Variants in PCDHGA7 observed in about 807,000 individuals in gnomAD.
The protein encoded by PCDHGA7 is protocadherin gamma subfamily A, 7, also known as protocadherin gamma-A7.
In PCDHGA7, 44 loss-of-function variants were observed where a neutral mutation model predicts 58.3. That is an observed-to-expected ratio of 0.75 (90% CI 0.59 to 0.97). The LOEUF is 0.97. Ranked by LOEUF, PCDHGA7 falls within the 50% of genes least tolerant of loss-of-function variation. The pLI is 0.00. For missense variants in PCDHGA7, 1,266 were observed against 1,188.7 expected (o/e 1.06, Z -0.96); for synonymous variants, 516 against 504.2 (o/e 1.02, Z -0.31).
At chr5:141,505,044 C>G (rs1446394128) in intron 2 of PCDHGA7, among the ~76,000 whole-genome samples, 3 of 152,156 alleles carry the variant, frequency 2.0e-5, no homozygotes, top group African/African-American at 7.2e-5. Context: ...TGCCTGTCAT[C>G]CCAGCTACTT....
chr5:141,422,762 C>A (rs745320796), intron 1 of PCDHGA7: 1 of 1,613,392 alleles, frequency 6.2e-7, no homozygotes, highest in Admixed American at 1.7e-5. Context: ...AACTCCAACA[C>A]TGGTGTTCTC....
At position 141,505,499 on chromosome 5, in the gene PCDHGA7, G is replaced by A. The variant is rs753203943; in HGVS notation, c.2572+18G>A. ...CGCCAGTGGTAAGTGGTGTCAGTGT[G>A]TGTATGGAAGAGTGGGAGACCTGGG... is the stretch of plus-strand genomic sequence containing the variant. On this transcript the variant is annotated intron_variant, in intron 3 of 3. Transcript: ENST00000518325. 6.2e-7 allele frequency: 1 copy of A among 1,614,172 alleles called. No homozygotes were observed. The highest frequency in any genetic ancestry group is 8.5e-7 in the Non-Finnish European group (1 of 1,179,982).
rs1362496624 is a variant in PCDHGA7, at chr5:141,432,370, C to T, written c.2424+47047C>T. On this transcript the variant is annotated intron_variant, in intron 1 of 3. Coordinates refer to ENST00000518325, the MANE Select transcript of PCDHGA7 (RefSeq NM_018920.4). This position sits in a 1 kb window ranked among gnomAD's most constrained non-coding sequence, Gnocchi z 6.0. ...AAGTGAAAGTGATGGCGCGGGACAA[C>T]GGGCACCCGCCCCTCAGCAGCAACG... The T allele has an allele frequency of 6.2e-7, 1 of 1,614,240 alleles. No individual in the cohort carries two copies. Among genetic ancestry groups the T allele is most frequent in the Non-Finnish European group, 8.5e-7 (1 of 1,180,048 alleles).
rs1780361260 is a variant in PCDHGA7, at chr5:141,384,682, G to C, written c.1783G>C (p.Asp595His). The C allele has an allele frequency of 6.2e-7, 1 of 1,614,222 alleles. No individual in the cohort carries two copies. The highest frequency in any genetic ancestry group is 8.5e-7 in the Non-Finnish European group (1 of 1,180,048). Residue 595 changes from aspartate (D) to histidine (H), a missense_variant, in exon 1 of 4, where the codon GAC becomes CAC. Physicochemically the swap from Asp to His is moderately conservative, Grantham distance 81 (BLOSUM62 -1). Coordinates refer to ENST00000518325, the MANE Select transcript of PCDHGA7 (RefSeq NM_018920.4). ...CCTGGTGACCAAGGTGGTGGCGGTGGACAAAGATTCAGGCCAGAACGCCTG... is the reference window on the plus strand; with the variant it reads ...CCTGGTGACCAAGGTGGTGGCGGTGCACAAAGATTCAGGCCAGAACGCCTG... The part of the protein sequence containing the change: ...GYLVTKVVAV[D>H]KDSGQNAWLS...
intron 1 of PCDHGA7, chr5:141,430,944 G>T: frequency 1.2e-6 from 2 of 1,609,214 alleles, no homozygotes; most frequent in Non-Finnish European, 1.7e-6. Flanking sequence ...CTCGCGGAGC[G>T]CGGAGTCCGC....
At chr5:141,460,465 AAAGG>A (rs2098989932) in intron 1 of PCDHGA7, among the ~76,000 whole-genome samples, 1 of 152,088 alleles carries the variant, frequency 6.6e-6, no homozygotes, top group Non-Finnish European at 1.5e-5. Context: ...ATTTTTTTCC[AAAGG>A]AATATCCAAT....
At chr5:141,404,560 C>T (rs2094540099) in intron 1 of PCDHGA7, 37 of 1,613,460 alleles carry the variant, frequency 2.3e-5, no homozygotes, top group Non-Finnish European at 3.1e-5. Flanking sequence ...CGGCAAGTGA[C>T]AGTGGAAGCC....
chr5:141,382,897 A>G lies in PCDHGA7; in HGVS notation c.-3A>G. The G allele has an allele frequency of 6.5e-7, 1 of 1,540,826 alleles. No individual in the cohort carries two copies. The highest frequency in any genetic ancestry group is 2.3e-5 in the East Asian group (1 of 44,140). On this transcript the variant is annotated 5_prime_UTR_variant, in exon 1 of 4. Coordinates refer to ENST00000518325, the MANE Select transcript of PCDHGA7 (RefSeq NM_018920.4). ...GCGCCTAAGCAAGAGAAGCAGGACGACTATGGCGGCTCAGCCGAGGGGCGG... is the reference window on the plus strand; with the variant it reads ...GCGCCTAAGCAAGAGAAGCAGGACGGCTATGGCGGCTCAGCCGAGGGGCGG...
chr5:141,454,796 A>ATTTTTCT (rs2098799790), intron 1 of PCDHGA7, among the ~76,000 whole-genome samples: 1 of 77,408 alleles, frequency 1.3e-5, no homozygotes, highest in African/African-American at 5.9e-5. Context: ...CATGGTTCTA[A>ATTTTTCT]TTTTTTTTTT....
Position 141,383,695 on chromosome 5 carries a change from G to A in PCDHGA7, c.796G>A (p.Ala266Thr), listed in dbSNP as rs373055594. 5 of 1,613,974 alleles carry A rather than the reference G, an allele frequency of 3.1e-6. No individual in the cohort carries two copies. Among genetic ancestry groups the A allele is most frequent in the Non-Finnish European group, 3.4e-6 (4 of 1,179,856 alleles). Residue 266 changes from alanine (A) to threonine (T), a missense_variant, in exon 1 of 4, where the codon GCT (alanine) becomes ACT (threonine). Transcript: ENST00000518325. ...GGGTACAAGACTGCTCACGGTACAT[G>A]CTATCGACCTGGACGAGGGAGTCAA... ...PVGTRLLTVH[A>T]IDLDEGVNGE...
intron 1 of PCDHGA7, chr5:141,421,949 C>T (rs749189262): frequency 6.2e-6 from 10 of 1,612,856 alleles, no homozygotes; most frequent in Non-Finnish European, 6.8e-6. Flanking sequence ...GATCACATCC[C>T]AATGTTTACA....
chr5:141,387,687 G>A, intron 1 of PCDHGA7: 1 of 808,412 alleles, frequency 1.2e-6, no homozygotes, highest in Non-Finnish European at 1.9e-6. Context: ...CGCAGCCGCA[G>A]CGCGCTTTCC....
At chr5:141,421,964 C>A (rs772274014) in intron 1 of PCDHGA7, 3 of 1,611,350 alleles carry the variant, frequency 1.9e-6, no homozygotes, top group Non-Finnish European at 2.5e-6. Flanking sequence ...TTTACACAGT[C>A]CGTATATCGC....
chr5:141,478,590 A>T, intron 1 of PCDHGA7: 1 of 1,573,342 alleles, frequency 6.4e-7, no homozygotes, highest in South Asian at 1.1e-5. Flanking sequence ...GTGCTTTTTT[A>T]TTCCTACATC....
Position 141,384,065 on chromosome 5 carries a change from A to G in PCDHGA7, c.1166A>G (p.Asn389Ser), listed in dbSNP as rs1209284047. ...NGEVTCTIPE[N>S]LPFKLEKSID... ...GAGGTGACCTGCACCATTCCAGAAAACCTACCTTTTAAATTAGAAAAATCA... is the reference window on the plus strand; with the variant it reads ...GAGGTGACCTGCACCATTCCAGAAAGCCTACCTTTTAAATTAGAAAAATCA... The change falls in exon 1 of 4, where the codon AAC becomes AGC. Residue 389 changes from asparagine (N) to serine (S), a missense_variant. Asn to Ser is a conservative substitution (Grantham distance 46, BLOSUM62 1). Transcript: ENST00000518325. 2 of 1,607,382 alleles carry G rather than the reference A, an allele frequency of 1.2e-6. No individual in the cohort carries two copies. The highest frequency in any genetic ancestry group is 1.7e-5 in the Admixed American group (1 of 58,998).
At chr5:141,446,288 G>C (rs1437669688) in intron 1 of PCDHGA7, among the ~76,000 whole-genome samples, 1 of 152,100 alleles carries the variant, frequency 6.6e-6, no homozygotes, top group Non-Finnish European at 1.5e-5. Flanking sequence ...GGATAAATGG[G>C]GAGCAGGGAT....
Position 141,487,413 on chromosome 5 carries a change from A to G in PCDHGA7, c.2425-7394A>G, listed in dbSNP as rs1562119204. The G allele has an allele frequency of 1.2e-6, 2 of 1,614,172 alleles. No homozygotes were observed. The highest frequency in any genetic ancestry group is 2.2e-5 in the East Asian group (1 of 44,862). ...AGGAGGGAGGGGCTTCCCCCTTCCA[A>G]TGGGATCCTCCGAATCCAGCTAGGG... On this transcript the variant is annotated intron_variant, in intron 1 of 3. Coordinates refer to ENST00000518325, the MANE Select transcript of PCDHGA7 (RefSeq NM_018920.4). This position sits in a 1 kb window ranked among gnomAD's most constrained non-coding sequence, Gnocchi z 5.0.
At chr5:141,435,995 A>C (rs1033174115) in intron 1 of PCDHGA7, among the ~76,000 whole-genome samples, 2 of 152,144 alleles carry the variant, frequency 1.3e-5, no homozygotes, top group African/African-American at 4.8e-5. Context: ...TGATTTTTTG[A>C]AAGAAAGTAT....
At chr5:141,507,084 T>G (rs2099858284) in intron 3 of PCDHGA7, 1 of 152,142 alleles carries the variant, frequency 6.6e-6, no homozygotes, top group African/African-American at 2.4e-5. Flanking sequence ...ACTCCTAAGT[T>G]TATGCTCTTT....
Sources: gnomAD v4.1 joint callset for allele counts (sites outside exome capture counted in the v4.1 genomes callset) on GRCh38, gnomAD v4.1.1 for gene constraint, Gnocchi (gnomAD v3.1) non-coding constraint, MANE v1.5 for transcripts, NCBI Gene and HGNC (gene_info 2026-07-23, HGNC 2026-07-21) for gene names.